Variants in PTPRG observed in about 807,000 individuals in gnomAD.
PTPRG encodes protein tyrosine phosphatase receptor type G.
Under a neutral mutation model 165.3 loss-of-function variants are expected in PTPRG, and 102 were observed. The observed-to-expected ratio is 0.62, with a 90% confidence interval of 0.53 to 0.73. PTPRG has a LOEUF of 0.73. Ranked by LOEUF, PTPRG falls within the 30% of genes least tolerant of loss-of-function variation. The probability of loss-of-function intolerance (pLI) is 0.00; values close to 1 mark genes in which losing one functional copy is unlikely to be tolerated. For missense variants in PTPRG, 1,866 were observed against 1,861.4 expected (o/e 1.00, Z -0.05); for synonymous variants, 675 against 669.5 (o/e 1.01, Z -0.13).
chr3:61,660,296 A>G (rs180971544), intron 1 of PTPRG, among the ~76,000 whole-genome samples: 124 of 152,354 alleles, frequency 8.1e-4, no homozygotes, highest in Middle Eastern at 3.4e-3. Context: ...ATGTTTACCT[A>G]CCTGACAGAA....
chr3:61,570,210 T>TA (rs1343575867), intron 1 of PTPRG, among the ~76,000 whole-genome samples: 4 of 152,156 alleles, frequency 2.6e-5, no homozygotes, highest in African/African-American at 9.7e-5. Context: ...CTACAGAGCA[T>TA]ATGAGAGAGA....
chr3:61,764,696 G>C (rs980635035), intron 2 of PTPRG, among the ~76,000 whole-genome samples: 1 of 152,146 alleles, frequency 6.6e-6, no homozygotes, highest in Non-Finnish European at 1.5e-5. Context: ...CACTTGGAAA[G>C]GTTCAATGTT....
rs2038759198 is a variant in PTPRG, at chr3:61,909,952, G to A, written c.191-79673G>A. On this transcript the variant is annotated intron_variant, in intron 2 of 29. Coordinates refer to ENST00000474889, the MANE Select transcript of PTPRG (RefSeq NM_002841.4). ...GTGATCATACTCTTCATGGCATACT[G>A]TCCTCCTTGGTTTGTGAAGGGGCTC... 2.0e-5 allele frequency among the ~76,000 whole-genome samples: 3 copies of A among 152,276 alleles called. No individual in the cohort carries two copies. In the Middle Eastern group the frequency reaches 0.01, roughly 518 times the overall value.
chr3:62,267,139 C>T (rs1381150643), intron 17 of PTPRG, among the ~76,000 whole-genome samples: 3 of 152,110 alleles, frequency 2.0e-5, no homozygotes, highest in South Asian at 2.1e-4. Context: ...AAATACAGAA[C>T]AAGCAAATAC....
At chr3:62,198,784 A>G (rs1345412114) in intron 10 of PTPRG, among the ~76,000 whole-genome samples, 1 of 152,264 alleles carries the variant, frequency 6.6e-6, no homozygotes, top group Non-Finnish European at 1.5e-5. Flanking sequence ...ACTCTAAGGC[A>G]GTAAGAAAAT....
chr3:62,237,264 G>A lies in PTPRG; in HGVS notation c.2375+5953G>A. The stretch of plus-strand genomic sequence containing the variant: ...TATTCTTCCTTAAGAATTCCTGGGT[G>A]GAAATGGGGGGTCAGAAGTCTAGAG... On this transcript the variant is annotated intron_variant, in intron 14 of 29. Coordinates refer to ENST00000474889, the MANE Select transcript of PTPRG (RefSeq NM_002841.4). This position sits in a 1 kb window ranked among gnomAD's most constrained non-coding sequence, Gnocchi z 4.5. 6.6e-6 allele frequency among the ~76,000 whole-genome samples: 1 copy of A among 152,162 alleles called. No homozygotes were observed.
chr3:61,666,653 C>T (rs554328496), intron 1 of PTPRG, among the ~76,000 whole-genome samples: 1 of 152,284 alleles, frequency 6.6e-6, no homozygotes, highest in African/African-American at 2.4e-5. Flanking sequence ...GTTGCTGAAA[C>T]TCAGCACTAT....
chr3:61,947,813 C>T (rs991987925), intron 2 of PTPRG, among the ~76,000 whole-genome samples: 3 of 152,174 alleles, frequency 2.0e-5, no homozygotes, highest in African/African-American at 7.2e-5. Flanking sequence ...GACCAGTCAC[C>T]GCATCTAGAG....
At chr3:61,743,151 A>G (rs948854955) in intron 1 of PTPRG, 15 of 1,037,748 alleles carry the variant, frequency 1.4e-5, no homozygotes, top group African/African-American at 6.3e-5. Context: ...GTCTGGTAAT[A>G]TTTTTATCTT....
chr3:61,583,191 G>A (rs1324504644), intron 1 of PTPRG, among the ~76,000 whole-genome samples: 1 of 152,206 alleles, frequency 6.6e-6, no homozygotes, highest in African/African-American at 2.4e-5. Context: ...GATGGGCCCT[G>A]CAGAGATTTG....
intron 7 of PTPRG, among the ~76,000 whole-genome samples, chr3:62,162,009 C>T (rs1217445530): frequency 6.6e-6 from 1 of 152,068 alleles, no homozygotes; most frequent in Non-Finnish European, 1.5e-5. Flanking sequence ...ATTATATGCC[C>T]ATCCCTTAAA....
chr3:61,970,205 CT>C (rs1292550245), intron 2 of PTPRG, among the ~76,000 whole-genome samples: 1 of 151,950 alleles, frequency 6.6e-6, no homozygotes, highest in African/African-American at 2.4e-5. Context: ...ACCTGGGTAG[CT>C]TTTTGGATGG....
intron 15 of PTPRG, among the ~76,000 whole-genome samples, chr3:62,244,555 A>G (rs943395372): frequency 6.6e-6 from 1 of 152,088 alleles, no homozygotes; most frequent in Non-Finnish European, 1.5e-5. Flanking sequence ...GTGCTTCCAA[A>G]TACGTATCTT....
intron 1 of PTPRG, among the ~76,000 whole-genome samples, chr3:61,630,239 G>A (rs1404460606): frequency 1.3e-5 from 2 of 152,184 alleles, no homozygotes; most frequent in East Asian, 3.8e-4. Context: ...TGTAGATAGA[G>A]CAGATTTTGA....
intron 1 of PTPRG, among the ~76,000 whole-genome samples, chr3:61,608,939 A>G (rs1276259289): frequency 6.6e-6 from 1 of 152,230 alleles, no homozygotes; most frequent in Non-Finnish European, 1.5e-5. Flanking sequence ...GGGGAAGAGC[A>G]TAATCACTTA....
At chr3:61,720,109 G>C (rs2031985907) in intron 1 of PTPRG, among the ~76,000 whole-genome samples, 1 of 151,690 alleles carries the variant, frequency 6.6e-6, no homozygotes, top group Non-Finnish European at 1.5e-5. Flanking sequence ...TAAACACCAT[G>C]ATGACAAGGG....
chr3:61,656,006 T>G (rs553481602), intron 1 of PTPRG, among the ~76,000 whole-genome samples: 16 of 151,584 alleles, frequency 1.1e-4, no homozygotes, highest in African/African-American at 2.7e-4. Flanking sequence ...CTTCAGGCCC[T>G]GAGTTTGATA....
intron 2 of PTPRG, among the ~76,000 whole-genome samples, chr3:61,905,814 T>A (rs957387311): frequency 3.9e-5 from 6 of 152,228 alleles, no homozygotes; most frequent in African/African-American, 1.2e-4. Flanking sequence ...CCAAAGCTTC[T>A]TCACCCTTTG....
chr3:62,208,581 G>A (rs1159765079), intron 12 of PTPRG, among the ~76,000 whole-genome samples: 2 of 152,090 alleles, frequency 1.3e-5, no homozygotes, highest in Admixed American at 6.5e-5. Flanking sequence ...ACCACAGCCC[G>A]CAGGCCACTT....
Sources: gnomAD v4.1 joint callset for allele counts (sites outside exome capture counted in the v4.1 genomes callset) on GRCh38, gnomAD v4.1.1 for gene constraint, Gnocchi (gnomAD v3.1) non-coding constraint, MANE v1.5 for transcripts, NCBI Gene and HGNC (gene_info 2026-07-23, HGNC 2026-07-21) for gene names.